PCDH11X: variants seen among roughly 807,000 people sequenced by gnomAD.
The protein encoded by PCDH11X is protocadherin 11 X-linked, also known as protocadherin-11 X-linked.
A neutral mutation model predicts 53.3 loss-of-function variants in PCDH11X; 18 were observed. The ratio of observed to expected loss-of-function variants is 0.34; its 90% CI spans 0.23 to 0.50. PCDH11X has a LOEUF of 0.50. Among genes scored for constraint, PCDH11X ranks in the 20% least tolerant of loss-of-function variants. PCDH11X has a pLI of 0.98. For missense variants in PCDH11X, 570 were observed against 1,032.4 expected, an observed-to-expected ratio of 0.55 and a Z score of 6.14; for synonymous variants, 279 against 393.3, an observed-to-expected ratio of 0.71 and a Z score of 3.44.
Position 91,932,506 on chromosome X carries a change from G to A in PCDH11X, c.3033+53233G>A, listed in dbSNP as rs758138232. Among the ~76,000 whole-genome samples, 260 of 100,271 alleles carry A rather than the reference G, an allele frequency of 2.6e-3. 1 individual carries two copies. The highest frequency in any genetic ancestry group is 9.0e-3 in the African/African-American group (247 of 27,402). The allele number at this position is 100,271 out of a possible 115,157, so 87.1% of individuals were successfully genotyped here. On this transcript the variant is annotated intron_variant, in intron 6 of 10. Coordinates refer to ENST00000682573, the MANE Select transcript of PCDH11X (RefSeq NM_032968.5). ...AGCAAGAGAGGGAAAATTCAAAAGA[G>A]AGGCCGAGAGAGAGAAAATGTGTTA...
chrX:91,931,161 G>T (rs1226744824), intron 6 of PCDH11X, among the ~76,000 whole-genome samples: 1 of 101,557 alleles, frequency 9.8e-6, no homozygotes, highest in Non-Finnish European at 2.0e-5. Flanking sequence ...TGTGTGTGTC[G>T]TGTGCGTGTG....
At chrX:92,250,595 G>A (rs12156794) in intron 7 of PCDH11X, among the ~76,000 whole-genome samples, 17 of 99,488 alleles carry the variant, frequency 1.7e-4, no homozygotes, top group Middle Eastern at 5.3e-3. Flanking sequence ...ATGTGTGTAT[G>A]TATATATATA....
At chrX:92,430,327 G>A (rs1445892600) in intron 9 of PCDH11X, among the ~76,000 whole-genome samples, 2 of 91,869 alleles carry the variant, frequency 2.2e-5, no homozygotes. Flanking sequence ...TTACGTGTTT[G>A]TTCAGAAGTT....
intron 4 of PCDH11X, among the ~76,000 whole-genome samples, chrX:91,825,541 C>T (rs1048921697): frequency 7.2e-5 from 8 of 111,738 alleles, no homozygotes; most frequent in Non-Finnish European, 1.3e-4. Context: ...AGCTCGCGCA[C>T]GGTGCGCGCA....
At chrX:92,254,600 A>G (rs1199985447) in intron 7 of PCDH11X, among the ~76,000 whole-genome samples, 1 of 109,476 alleles carries the variant, frequency 9.1e-6, no homozygotes, top group African/African-American at 3.4e-5. Context: ...TTCCATGTTT[A>G]GCACTTCCTT....
chrX:92,325,149 A>T (rs1000467609), intron 8 of PCDH11X, among the ~76,000 whole-genome samples: 17 of 111,075 alleles, frequency 1.5e-4, no homozygotes, highest in Non-Finnish European at 3.2e-4. Flanking sequence ...CTTGGAACAA[A>T]AAGATAACTC....
intron 6 of PCDH11X, among the ~76,000 whole-genome samples, chrX:91,938,763 G>A (rs1160309789): frequency 9.0e-6 from 1 of 110,861 alleles, no homozygotes; most frequent in Admixed American, 9.6e-5. Context: ...ACTGAACAGA[G>A]TACTCCAAAA....
chrX:92,004,089 T>G (rs2062556509), intron 6 of PCDH11X, among the ~76,000 whole-genome samples: 1 of 110,319 alleles, frequency 9.1e-6, no homozygotes, highest in African/African-American at 3.3e-5. Context: ...GTGTTTCCAT[T>G]ATGATTTGTT....
chrX:91,823,579 G>A (rs1280723977), intron 4 of PCDH11X, among the ~76,000 whole-genome samples: 4 of 111,019 alleles, frequency 3.6e-5, no homozygotes, highest in African/African-American at 9.9e-5. Flanking sequence ...TCTGCACGTG[G>A]GATGGGCTTC....
chrX:92,214,669 G>T lies in PCDH11X; in HGVS notation c.3114+13214G>T, dbSNP rs139632283. 9.9e-3 allele frequency among the ~76,000 whole-genome samples: 1,103 copies of T among 111,480 alleles called. 7 individuals carry two copies. Among genetic ancestry groups the T allele is most frequent in the African/African-American group, 0.035 (1,064 of 30,675 alleles). On this transcript the variant is annotated intron_variant, in intron 7 of 10. Coordinates refer to ENST00000682573, the MANE Select transcript of PCDH11X (RefSeq NM_032968.5). ...AGGGAAACATAGACACGTGCAATTG[G>T]TTTAGTAAACATGGACGTTTAGGTT... is the stretch of plus-strand genomic sequence containing the variant.
intron 6 of PCDH11X, among the ~76,000 whole-genome samples, chrX:91,938,663 A>G (rs2061474064): frequency 9.0e-6 from 1 of 111,162 alleles, no homozygotes; most frequent in South Asian, 3.7e-4. Context: ...ATCCAGTAGT[A>G]TTACAGAATA....
intron 6 of PCDH11X, among the ~76,000 whole-genome samples, chrX:91,892,399 T>C (rs951897578): frequency 4.6e-5 from 5 of 108,827 alleles, no homozygotes; most frequent in African/African-American, 1.7e-4. Context: ...AGCTTCTCTT[T>C]CCTCATTGCA....
intron 10 of PCDH11X, among the ~76,000 whole-genome samples, chrX:92,554,392 A>T (rs910342058): frequency 1.9e-5 from 2 of 106,509 alleles, no homozygotes; most frequent in African/African-American, 6.8e-5. Context: ...AGAATTTTTT[A>T]AAAATTACTA....
chrX:92,418,655 G>A (rs1050635813), intron 9 of PCDH11X, among the ~76,000 whole-genome samples: 1 of 108,906 alleles, frequency 9.2e-6, no homozygotes, highest in African/African-American at 3.3e-5. Flanking sequence ...GTAGTGGTAC[G>A]ATCATAGTTT....
chrX:92,076,316 A>T (rs757221136), intron 6 of PCDH11X, among the ~76,000 whole-genome samples: 3 of 103,133 alleles, frequency 2.9e-5, no homozygotes, highest in Non-Finnish European at 5.8e-5. Context: ...AGACCACAGC[A>T]ATTTTTTGTA....
chrX:92,092,134 A>T (rs755295717), intron 6 of PCDH11X, among the ~76,000 whole-genome samples: 6 of 111,526 alleles, frequency 5.4e-5, no homozygotes, highest in Non-Finnish European at 1.1e-4. Context: ...GACTCCCCAG[A>T]CCCCTTAGAC....
chrX:91,945,068 T>TATATATATATATATATATA (rs61515084), intron 6 of PCDH11X, among the ~76,000 whole-genome samples: 14 of 89,969 alleles, frequency 1.6e-4, no homozygotes, highest in East Asian at 4.1e-4. Context: ...TATATATATA[T>TATATATATATATATATATA]TCTTAAATGT....
At chrX:92,010,820 C>T (rs757327630) in intron 6 of PCDH11X, among the ~76,000 whole-genome samples, 3 of 109,732 alleles carry the variant, frequency 2.7e-5, no homozygotes, top group South Asian at 8.0e-4. Flanking sequence ...CAAATGATCC[C>T]GTCACCCAAG....
intron 6 of PCDH11X, among the ~76,000 whole-genome samples, chrX:92,014,900 G>A (rs148596653): frequency 0.15 from 16,792 of 109,904 alleles, 1,455 homozygotes; most frequent in East Asian, 0.45. Context: ...TGGGGGGAGT[G>A]GGGATGGATA....
Sources: allele counts gnomAD v4.1 joint callset (sites outside exome capture counted in the v4.1 genomes callset), GRCh38; gene constraint gnomAD v4.1.1; transcripts MANE v1.5; gene names NCBI Gene and HGNC (gene_info 2026-07-23, HGNC 2026-07-21).